DMTF1: variants seen among roughly 807,000 people sequenced by gnomAD.
DMTF1 encodes cyclin-D-binding Myb-like transcription factor 1.
DMTF1 carries 39 observed loss-of-function variants against 91.1 expected under a neutral mutation model. The ratio of observed to expected loss-of-function variants is 0.43; its 90% CI spans 0.33 to 0.56. The LOEUF (loss-of-function observed/expected upper bound fraction) is 0.56. Ranked by LOEUF, DMTF1 falls within the 20% of genes least tolerant of loss-of-function variation. The pLI is 0.05. For missense variants in DMTF1, 750 were observed against 914.5 expected, an observed-to-expected ratio of 0.82 and a Z score of 2.32; for synonymous variants, 338 against 309.5, an observed-to-expected ratio of 1.09 and a Z score of -0.97.
At chr7:87,174,445 C>T in intron 6 of DMTF1, 148 bp from the exon 7 acceptor site, 1 of 577,928 alleles carries the variant, frequency 1.7e-6, no homozygotes, top group Non-Finnish European at 3.1e-6. Context: ...GCAAGTTTAC[C>T]TAGAGACCTT....
Position 87,195,401 on chromosome 7 carries a change from A to C in DMTF1, c.*261A>C, listed in dbSNP as rs1266354863. Reference sequence around the variant, plus strand: ...CCCTGTTTAGTGTTACATGGGAATAAGGAATTTCATTCACTTCAGCCACTA... The same window carrying C: ...CCCTGTTTAGTGTTACATGGGAATACGGAATTTCATTCACTTCAGCCACTA... On this transcript the variant is annotated 3_prime_UTR_variant, in exon 18 of 18. Coordinates refer to ENST00000331242, the MANE Select transcript of DMTF1 (RefSeq NM_001142327.2). The C allele has an allele frequency of 3.2e-6, 1 of 308,884 alleles. No homozygotes were observed. The highest frequency in any genetic ancestry group is 6.0e-6 in the Non-Finnish European group (1 of 166,996). The allele number at this position is 308,884 out of a possible 1,614,324, so 19.1% of individuals were successfully genotyped here. A position where few individuals can be genotyped will look rare whatever the true frequency, so the allele number is the denominator to read the frequency against.
At chr7:87,185,265 G>A (rs905909372) in intron 11 of DMTF1, among the ~76,000 whole-genome samples, 1 of 152,122 alleles carries the variant, frequency 6.6e-6, no homozygotes, top group Non-Finnish European at 1.5e-5. Flanking sequence ...ACTCCCTACC[G>A]AAAATCAAAT....
At chr7:87,174,221 G>A (rs1170595494) in intron 6 of DMTF1, among the ~76,000 whole-genome samples, 2 of 152,156 alleles carry the variant, frequency 1.3e-5, no homozygotes, top group Admixed American at 6.5e-5. Flanking sequence ...TTTTTTGTAT[G>A]TGTTCTTTTT....
intron 14 of DMTF1, among the ~76,000 whole-genome samples, chr7:87,191,283 C>G (rs1196592266): frequency 6.6e-6 from 1 of 151,998 alleles, no homozygotes; most frequent in Non-Finnish European, 1.5e-5. Context: ...TAATTTATAA[C>G]CAAAAAGTTC....
chr7:87,165,134 G>T, intron 3 of DMTF1, 84 bp downstream of exon 3: 2 of 822,856 alleles, frequency 2.4e-6, no homozygotes, highest in Non-Finnish European at 3.9e-6. Flanking sequence ...CCCAAATAGG[G>T]GTCTAGGTGC....
intron 14 of DMTF1, among the ~76,000 whole-genome samples, 187 bp downstream of exon 14, chr7:87,191,214 T>C (rs71562744): frequency 0.024 from 3,652 of 152,266 alleles, 67 homozygotes; most frequent in Non-Finnish European, 0.04. Context: ...CAAAATGTTA[T>C]CTATATGAAA....
intron 7 of DMTF1, among the ~76,000 whole-genome samples, chr7:87,177,868 A>G (rs958626520): frequency 1.1e-4 from 17 of 152,152 alleles, no homozygotes; most frequent in Non-Finnish European, 2.2e-4. Context: ...ACTTGTTTTT[A>G]GGTTCTGTTT....
At position 87,194,083 on chromosome 7, in the gene DMTF1, C is replaced by T; in HGVS notation, c.2009C>T (p.Ala670Val). 6.2e-7 allele frequency: 1 copy of T among 1,600,826 alleles called. No individual in the cohort carries two copies. Among genetic ancestry groups the T allele is most frequent in the Non-Finnish European group, 8.5e-7 (1 of 1,173,796 alleles). The change falls in exon 16 of 18, where the codon GCC becomes GTC. Residue 670 changes from alanine (A) to valine (V), a missense_variant. Ala to Val is a moderately conservative substitution (Grantham distance 64). Transcript: ENST00000331242. ...CAAGAGGAATCACCCTCTGATTTAG[C>T]CAGTGCTTATGTTACTGAGGTAAGT... ...LKQEESPSDL[A>V]SAYVTEGLES...
At chr7:87,178,221 T>C (rs559352264) in intron 7 of DMTF1, among the ~76,000 whole-genome samples, 15 of 152,240 alleles carry the variant, frequency 9.9e-5, no homozygotes, top group African/African-American at 3.4e-4. Context: ...ATTTTGACGC[T>C]GTGTGGGAGC....
intron 5 of DMTF1, 44 bp downstream of exon 5, chr7:87,171,133 C>A: frequency 1.5e-6 from 2 of 1,303,796 alleles, no homozygotes; most frequent in Non-Finnish European, 2.2e-6. Flanking sequence ...TGATCCTTTA[C>A]ACATTGCTTA....
Position 87,193,180 on chromosome 7 carries a change from CT to C in DMTF1, c.1495-15del, listed in dbSNP as rs751969597. 4 of 1,612,008 alleles carry C rather than the reference CT, an allele frequency of 2.5e-6. No individual in the cohort carries two copies. The highest frequency in any genetic ancestry group is 1.1e-5 in the South Asian group (1 of 90,952). On this transcript the variant is annotated splice_polypyrimidine_tract_variant and intron_variant, in intron 14 of 17. Coordinates refer to ENST00000331242, the MANE Select transcript of DMTF1 (RefSeq NM_001142327.2). The stretch of plus-strand genomic sequence containing the variant: ...GTAGACTTAATCATTGTTAAACTAT[CT>C]TTCCTTTTTCCTTTAGTCTTTCCAT...
chr7:87,164,054 TAAAAAA>T (rs61634018), intron 2 of DMTF1, among the ~76,000 whole-genome samples: 1 of 73,498 alleles, frequency 1.4e-5, no homozygotes, highest in African/African-American at 5.4e-5. Flanking sequence ...ACGCCTTCTC[TAAAAAA>T]AAAAAAAAAA....
chr7:87,191,177 CA>C (rs1457318332), intron 14 of DMTF1, 150 bp downstream of exon 14: 25 of 590,690 alleles, frequency 4.2e-5, no homozygotes, highest in African/African-American at 4.2e-4. Context: ...TAATTTTAAT[CA>C]GCTTTTCTCT....
At chr7:87,191,838 A>G (rs1799871178) in intron 14 of DMTF1, among the ~76,000 whole-genome samples, 1 of 152,178 alleles carries the variant, frequency 6.6e-6, no homozygotes, top group Non-Finnish European at 1.5e-5. Flanking sequence ...CCTATAATTC[A>G]TATTTCCTTA....
At chr7:87,184,944 C>G in intron 11 of DMTF1, 1 of 487,780 alleles carries the variant, frequency 2.1e-6, no homozygotes, top group Admixed American at 2.3e-5. Context: ...ACCAATGTGC[C>G]TCAGTCCTAG....
chr7:87,165,300 T>C (rs1042110058), intron 3 of DMTF1, among the ~76,000 whole-genome samples: 3 of 152,182 alleles, frequency 2.0e-5, no homozygotes, highest in African/African-American at 7.2e-5. Flanking sequence ...TTTATACTAA[T>C]TGGTACCAGC....
intron 1 of DMTF1, among the ~76,000 whole-genome samples, chr7:87,160,515 T>C (rs1034804171): frequency 1.3e-5 from 2 of 151,866 alleles, no homozygotes; most frequent in East Asian, 3.9e-4. Context: ...CCTCAGGTGA[T>C]CTTCCTGCCT....
In DMTF1 at chr7:87,164,991, A is replaced by G; in HGVS notation, c.50A>G (p.Asn17Ser). 1.2e-6 allele frequency: 2 copies of G among 1,610,258 alleles called. No individual in the cohort carries two copies. Among genetic ancestry groups the G allele is most frequent in the Non-Finnish European group, 1.7e-6 (2 of 1,178,246 alleles). The change falls in exon 3 of 18, where the codon AAC (asparagine) becomes AGC (serine). Residue 17 changes from asparagine (N) to serine (S), a missense_variant. Physicochemically the swap from Asn to Ser is conservative, Grantham distance 46 (BLOSUM62 1). Coordinates refer to ENST00000331242, the MANE Select transcript of DMTF1 (RefSeq NM_001142327.2). ...DSDTVTVETV[N>S]SVTLTQDTEG... ...GACACAGTAACAGTAGAAACTGTGA[A>G]CTCTGTGACTTTGACTCAGGACACA...
At chr7:87,174,763 T>C in intron 7 of DMTF1, 94 bp downstream of exon 7, 2 of 691,390 alleles carry the variant, frequency 2.9e-6, no homozygotes, top group Non-Finnish European at 4.7e-6. Context: ...ATTAGGAGCT[T>C]TTTACTTATT....
Sources: gnomAD v4.1 joint callset for allele counts (sites outside exome capture counted in the v4.1 genomes callset) on GRCh38, gnomAD v4.1.1 for gene constraint, MANE v1.5 for transcripts, NCBI Gene and HGNC (gene_info 2026-07-23, HGNC 2026-07-21) for gene names.